Variants in CDKN2D observed in about 807,000 individuals in gnomAD.
The protein encoded by CDKN2D is cyclin dependent kinase inhibitor 2D, also known as cyclin-dependent kinase 4 inhibitor D.
CDKN2D carries 3 observed loss-of-function variants against 4.7 expected under a neutral mutation model. That is an observed-to-expected ratio of 0.64 (90% confidence interval 0.29 to 1.66). The LOEUF is 1.66. Among genes scored for constraint, CDKN2D ranks in the 40% most tolerant of loss-of-function variants. The pLI is 0.10. For missense variants in CDKN2D, 196 were observed against 230.9 expected (o/e 0.85, Z 0.98); for synonymous variants, 91 against 102.3 (o/e 0.89, Z 0.67).
At position 10,568,736 on chromosome 19, in the gene CDKN2D, G is replaced by A. The variant is rs1916974815; in HGVS notation, c.-83C>T. 1.9e-6 allele frequency: 2 copies of A among 1,054,726 alleles called. No individual in the cohort carries two copies. The highest frequency in any genetic ancestry group is 1.7e-5 in the African/African-American group (1 of 60,350). The allele number at this position is 1,054,726 out of a possible 1,614,324, so 65.3% of individuals were successfully genotyped here. ...CGGAGCAGCCGGCGGGCGCTGGCCC[G>A]AACAGCCCTCCCGGGGCGCGGCCGC... On this transcript the variant is annotated 5_prime_UTR_variant, in exon 1 of 2. Coordinates refer to ENST00000393599, the MANE Select transcript of CDKN2D (RefSeq NM_001800.4).
In CDKN2D at chr19:10,568,586, T is replaced by C. The variant is rs1197258319; in HGVS notation, c.68A>G (p.Glu23Gly). 1 of 1,505,110 alleles carries C rather than the reference T, an allele frequency of 6.6e-7. No individual in the cohort carries two copies. 93.2% of individuals were successfully genotyped at this position (1,505,110 alleles called of 1,614,324 possible). Residue 23 changes from glutamate to glycine, a missense_variant, in exon 1 of 2, where the codon GAG becomes GGG. Transcript: ENST00000393599. ...SGAAARGDVQ[E>G]VRRLLHRELV... ...CTCCCGGTGCAGAAGGCGGCGCACC[T>C]CCTGCACGTCGCCCCGGGCCGCCGC... is the stretch of plus-strand genomic sequence containing the variant.
Position 10,567,368 on chromosome 19 carries a change from C to G in CDKN2D, c.191G>C (p.Gly64Ala). 1 of 1,614,112 alleles carries G rather than the reference C, an allele frequency of 6.2e-7. No individual in the cohort carries two copies. The highest frequency in any genetic ancestry group is 2.2e-5 in the East Asian group (1 of 44,892). Residue 64 changes from glycine (G) to alanine (A), a missense_variant, in exon 2 of 2, where the codon GGT becomes GCT. By Grantham distance (60) the Gly-to-Ala change is moderately conservative (BLOSUM62 0). Coordinates refer to ENST00000393599, the MANE Select transcript of CDKN2D (RefSeq NM_001800.4). The stretch of plus-strand genomic sequence containing the variant: ...GGTGTCCTGGACATTGGGGCTGGCA[C>G]CTTGCTTCAGCAGCTCCAGGGCGAT... ...TAIALELLKQ[G>A]ASPNVQDTSG... is the part of the protein sequence containing the mutation.
Position 10,567,150 on chromosome 19 carries a change from C to A in CDKN2D, c.409G>T (p.Ala137Ser), listed in dbSNP as rs370525024. ...AAESDLHRRD[A>S]RGLTPLELAL... ...AGCTCCAAGGGTGTGAGACCCCTGG[C>A]GTCCCTGCGATGGAGATCAGATTCA... Residue 137 changes from alanine (A) to serine (S), a missense_variant, in exon 2 of 2, where the codon GCC (alanine) becomes TCC (serine). Physicochemically the swap from Ala to Ser is moderately conservative, Grantham distance 99 (BLOSUM62 1). Transcript: ENST00000393599. 1.2e-6 allele frequency: 2 copies of A among 1,614,116 alleles called. No individual in the cohort carries two copies. The highest frequency in any genetic ancestry group is 1.7e-6 in the Non-Finnish European group (2 of 1,180,028).
chr19:10,568,377 A>C (rs529977788), intron 1 of CDKN2D, 136 bp downstream of exon 1: 7 of 747,456 alleles, frequency 9.4e-6, no homozygotes, highest in Non-Finnish European at 1.3e-5. Flanking sequence ...CTGTGGGGGA[A>C]CAATGAAAGC....
At position 10,567,340 on chromosome 19, in the gene CDKN2D, G is replaced by C; in HGVS notation, c.219C>G (p.Ser73=). 1 of 1,614,156 alleles carries C rather than the reference G, an allele frequency of 6.2e-7. No homozygotes were observed. Among genetic ancestry groups the C allele is most frequent in the Non-Finnish European group, 8.5e-7 (1 of 1,180,020 alleles). Residue 73 remains serine, a synonymous_variant, in exon 2 of 2, where the codon TCC becomes TCG. Transcript: ENST00000393599. ...QGASPNVQDT[S]GTSPVHDAAR... is the part of the protein sequence containing the mutation. ...CTGCGTCATGGACTGGACTGGTACC[G>C]GAGGTGTCCTGGACATTGGGGCTGG...
rs1362946440 is a variant in CDKN2D, at chr19:10,566,813, AC to A, written c.*244del. On this transcript the variant is annotated 3_prime_UTR_variant, in exon 2 of 2. Coordinates refer to ENST00000393599, the MANE Select transcript of CDKN2D (RefSeq NM_001800.4). ...CAGCCTGAGGCGCAGAAGAAACTGA[AC>A]CGTTTAGGTGGCTGTGGCCTGCAGG... 2.5e-5 allele frequency: 12 copies of A among 485,828 alleles called. No individual in the cohort carries two copies. The Admixed American group carries it at 4.5e-4, about 18-fold the overall frequency. The allele number at this position is 485,828 out of a possible 1,614,324, so 30.1% of individuals were successfully genotyped here.
In CDKN2D at chr19:10,568,679, C is replaced by T; in HGVS notation, c.-26G>A. On this transcript the variant is annotated 5_prime_UTR_variant, in exon 1 of 2. Coordinates refer to ENST00000393599, the MANE Select transcript of CDKN2D (RefSeq NM_001800.4). ...GTCGACACTGGCGGCCTGCAAAGCC[C>T]CCCGCCCCGCCCCAGCCCGGCGCTG... The T allele has an allele frequency of 7.3e-7, 1 of 1,368,166 alleles. No homozygotes were observed. The highest frequency in any genetic ancestry group is 9.4e-7 in the Non-Finnish European group (1 of 1,062,390). 84.8% of individuals were successfully genotyped at this position (1,368,166 alleles called of 1,614,324 possible).
rs1916965821 is a variant in CDKN2D, at chr19:10,568,555, C to T, written c.99G>A (p.Val33=). The T allele has an allele frequency of 1.3e-6, 2 of 1,500,302 alleles. No individual in the cohort carries two copies. The highest frequency in any genetic ancestry group is 2.7e-5 in the East Asian group (1 of 36,678). The allele number at this position is 1,500,302 out of a possible 1,614,324, so 92.9% of individuals were successfully genotyped here. A position where few individuals can be genotyped will look rare whatever the true frequency, so the allele number is the denominator to read the frequency against. ...EVRRLLHREL[V]HPDALNRFGK... is the part of the protein sequence containing the mutation. Reference sequence around the variant, plus strand: ...CGAAGCGGTTGAGGGCGTCGGGATGCACCAGCTCCCGGTGCAGAAGGCGGC... The same window carrying T: ...CGAAGCGGTTGAGGGCGTCGGGATGTACCAGCTCCCGGTGCAGAAGGCGGC... The change falls in exon 1 of 2, where the codon GTG becomes GTA. Residue 33 remains valine (V), a synonymous_variant. Transcript: ENST00000393599.
chr19:10,566,645 TC>T lies in CDKN2D; in HGVS notation c.*412del. 18 of 262,284 alleles carry T rather than the reference TC, an allele frequency of 6.9e-5. No homozygotes were observed. The highest frequency in any genetic ancestry group is 1.7e-4 in the East Asian group (3 of 18,122). The allele number at this position is 262,284 out of a possible 1,614,324, so 16.2% of individuals were successfully genotyped here. On this transcript the variant is annotated 3_prime_UTR_variant, in exon 2 of 2. Transcript: ENST00000393599. The stretch of plus-strand genomic sequence containing the variant: ...CTACCTTCTTATTGATTTGGGACGC[TC>T]CCCCCACCCCCCATGCCTGAAGCAA...
Position 10,566,980 on chromosome 19 carries a change from A to G in CDKN2D, c.*78T>C. 4.9e-6 allele frequency: 7 copies of G among 1,437,016 alleles called. No individual in the cohort carries two copies. Among genetic ancestry groups the G allele is most frequent in the East Asian group, 2.3e-5 (1 of 43,942 alleles). 89.0% of individuals were successfully genotyped at this position (1,437,016 alleles called of 1,614,324 possible). A position where few individuals can be genotyped will look rare whatever the true frequency, so the allele number is the denominator to read the frequency against. On this transcript the variant is annotated 3_prime_UTR_variant, in exon 2 of 2. Transcript: ENST00000393599. ...ACTGCAGCAGTGGGCAGGAGAAACA[A>G]GAAGAGAAAGTGTTTCTTCCCCTCT... is the stretch of plus-strand genomic sequence containing the variant.
rs1298997569 is a variant in CDKN2D, at chr19:10,566,524, A to G, written c.*534T>C. 8 of 227,158 alleles carry G rather than the reference A, an allele frequency of 3.5e-5. No individual in the cohort carries two copies. The highest frequency in any genetic ancestry group is 7.0e-5 in the Non-Finnish European group (8 of 114,112). 14.1% of individuals were successfully genotyped at this position (227,158 alleles called of 1,614,324 possible). On this transcript the variant is annotated 3_prime_UTR_variant, in exon 2 of 2. Transcript: ENST00000393599. ...TTAAATTATTACAACATTTTTTCCA[A>G]TAAAGCATAATAAATAGAATCCATT...
At chr19:10,568,066 G>T (rs1436011311) in intron 1 of CDKN2D, among the ~76,000 whole-genome samples, 2 of 151,898 alleles carry the variant, frequency 1.3e-5, no homozygotes, top group African/African-American at 4.8e-5. Flanking sequence ...TAGGAATGAA[G>T]ACCCCACCCC....
At position 10,567,312 on chromosome 19, in the gene CDKN2D, G is replaced by C; in HGVS notation, c.247C>G (p.Arg83Gly). Reference sequence around the variant, plus strand: ...TTCAGGGTGTCCAGGAATCCAGTGCGGGCTGCGTCATGGACTGGACTGGTA... The same window carrying C: ...TTCAGGGTGTCCAGGAATCCAGTGCCGGCTGCGTCATGGACTGGACTGGTA... ...SGTSPVHDAA[R>G]TGFLDTLKVL... The change falls in exon 2 of 2, where the codon CGC becomes GGC. Residue 83 changes from arginine to glycine, a missense_variant. By Grantham distance (125) the Arg-to-Gly change is moderately radical (BLOSUM62 -2). Transcript: ENST00000393599. The C allele has an allele frequency of 6.2e-7, 1 of 1,614,162 alleles. No individual in the cohort carries two copies. Among genetic ancestry groups the C allele is most frequent in the African/African-American group, 1.3e-5 (1 of 75,042 alleles).
Position 10,568,666 on chromosome 19 carries a change from G to T in CDKN2D, c.-13C>A, listed in dbSNP as rs894913092. On this transcript the variant is annotated 5_prime_UTR_variant, in exon 1 of 2. Transcript: ENST00000393599. ...CCTCCAGCAGCATGTCGACACTGGC[G>T]GCCTGCAAAGCCCCCCGCCCCGCCC... The T allele has an allele frequency of 2.8e-6, 4 of 1,443,752 alleles. No homozygotes were observed. Among genetic ancestry groups the T allele is most frequent in the Non-Finnish European group, 2.7e-6 (3 of 1,100,016 alleles). 89.4% of individuals were successfully genotyped at this position (1,443,752 alleles called of 1,614,324 possible). A position where few individuals can be genotyped will look rare whatever the true frequency, so the allele number is the denominator to read the frequency against.
chr19:10,568,379 A>C, intron 1 of CDKN2D, 134 bp downstream of exon 1: 2 of 772,908 alleles, frequency 2.6e-6, no homozygotes, highest in Non-Finnish European at 3.4e-6. Flanking sequence ...GTGGGGGAAC[A>C]ATGAAAGCCT....
chr19:10,567,026 G>GGGGT lies in CDKN2D; in HGVS notation c.*28_*31dup. 2.6e-6 allele frequency: 4 copies of GGGGT among 1,561,528 alleles called. No individual in the cohort carries two copies. Among genetic ancestry groups the GGGGT allele is most frequent in the Non-Finnish European group, 3.4e-6 (4 of 1,159,556 alleles). Reference sequence around the variant, plus strand: ...CCTCTCTTCTGATACATAACCCCACGGGGTTCTCTTGCTGGAGAGGGTGAC... The same window carrying GGGGT: ...CCTCTCTTCTGATACATAACCCCACGGGGTGGGTTCTCTTGCTGGAGAGGGTGAC... On this transcript the variant is annotated 3_prime_UTR_variant, in exon 2 of 2. Transcript: ENST00000393599.
intron 1 of CDKN2D, 34 bp downstream of exon 1, chr19:10,568,479 C>G: frequency 7.5e-7 from 1 of 1,331,628 alleles, no homozygotes; most frequent in Non-Finnish European, 9.7e-7. Flanking sequence ...CCCGCTTAGC[C>G]GCCCCGCCCC....
Position 10,567,143 on chromosome 19 carries a change from C to G in CDKN2D, c.416G>C (p.Gly139Ala), listed in dbSNP as rs758625264. The change falls in exon 2 of 2, where the codon GGT becomes GCT. Residue 139 changes from glycine (G) to alanine (A), a missense_variant. Gly to Ala is a moderately conservative substitution (Grantham distance 60, BLOSUM62 0). Coordinates refer to ENST00000393599, the MANE Select transcript of CDKN2D (RefSeq NM_001800.4). ...ESDLHRRDAR[G>A]LTPLELALQR... ...CAGTGCCAGCTCCAAGGGTGTGAGA[C>G]CCCTGGCGTCCCTGCGATGGAGATC... 6.2e-7 allele frequency: 1 copy of G among 1,613,952 alleles called. No individual in the cohort carries two copies. Among genetic ancestry groups the G allele is most frequent in the African/African-American group, 1.3e-5 (1 of 74,912 alleles).
chr19:10,567,443 G>A (rs1415697732), intron 1 of CDKN2D, 26 bp from the exon 2 acceptor site: 1 of 1,588,648 alleles, frequency 6.3e-7, no homozygotes. Flanking sequence ...AGGATCAGGA[G>A]GTCCTCAAGG....
Sources: allele counts gnomAD v4.1 joint callset (sites outside exome capture counted in the v4.1 genomes callset), GRCh38; gene constraint gnomAD v4.1.1; transcripts MANE v1.5; gene names NCBI Gene and HGNC (gene_info 2026-07-23, HGNC 2026-07-21).